The following NFAT5 variants were observed in gnomAD, a reference collection of about 807,000 sequenced individuals.
NFAT5 encodes the protein nuclear factor of activated T-cells 5.
A neutral mutation model predicts 166.5 loss-of-function variants in NFAT5; 31 were observed. The ratio of observed to expected loss-of-function variants is 0.19; its 90% CI spans 0.14 to 0.25. The LOEUF (loss-of-function observed/expected upper bound fraction) is 0.25. Ranked by LOEUF, NFAT5 falls within the 10% of genes least tolerant of loss-of-function variation. The pLI, the probability that NFAT5 is intolerant of heterozygous loss-of-function variation, is 1.00. For synonymous variants in NFAT5, 612 were observed against 639.7 expected (o/e 0.96, Z 0.65); for missense variants, 1,449 against 1,821.8 (o/e 0.80, Z 3.72).
rs1293749448 is a variant in NFAT5, at chr16:69,698,665, C to T, written c.*2314C>T. 6.6e-6 allele frequency: 1 copy of T among 152,560 alleles called. No individual in the cohort carries two copies. The highest frequency in any genetic ancestry group is 1.9e-4 in the East Asian group (1 of 5,196). 9.5% of individuals were successfully genotyped at this position (152,560 alleles called of 1,614,324 possible). A position where few individuals can be genotyped will look rare whatever the true frequency, so the allele number is the denominator to read the frequency against. On this transcript the variant is annotated 3_prime_UTR_variant, in exon 15 of 15. Transcript: ENST00000349945. ...CTTTCACTCAGCCAAGTGTTAGAGT[C>T]AGGAAACCCATTGAGGCAATGGCGT...
At chr16:69,575,545 T>A (rs2016697291) in intron 2 of NFAT5, among the ~76,000 whole-genome samples, 2 of 152,038 alleles carry the variant, frequency 1.3e-5, no homozygotes, top group Admixed American at 1.3e-4. Context: ...ACGTCAAGGC[T>A]GCATTGAGCC....
rs1221625134 is a variant in NFAT5 at position 69,637,467 on chromosome 16, G to GA, written c.254-9555dup. 5.3e-5 allele frequency among the ~76,000 whole-genome samples: 8 copies of GA among 152,244 alleles called. No individual in the cohort carries two copies. In the Middle Eastern group the frequency reaches 0.01, roughly 194 times the overall value. On this transcript the variant is annotated intron_variant, in intron 3 of 14. Coordinates refer to ENST00000349945, the MANE Select transcript of NFAT5 (RefSeq NM_138713.4). ...ATAAAGACATACCCCAGATTGGGAA[G>GA]AAAAAATGTTCATTTGGACTTACAG...
intron 7 of NFAT5, among the ~76,000 whole-genome samples, chr16:69,661,209 C>G (rs1267131216): frequency 1.3e-5 from 2 of 150,542 alleles, no homozygotes; most frequent in Non-Finnish European, 3.0e-5. Context: ...CCTTCTGTCT[C>G]CCATTCCAAT....
chr16:69,647,157 C>T lies in NFAT5; in HGVS notation c.383C>T (p.Ser128Leu). The T allele has an allele frequency of 6.2e-7, 1 of 1,614,144 alleles. No homozygotes were observed. The highest frequency in any genetic ancestry group is 1.1e-5 in the South Asian group (1 of 91,070). The change falls in exon 4 of 15, where the codon TCA becomes TTA. Residue 128 changes from serine (S) to leucine (L), a missense_variant. Physicochemically the swap from Ser to Leu is moderately radical, Grantham distance 145. Around this residue, in one of 7 missense-constraint regions of NFAT5, gnomAD observed 172 missense variants for 194.5 expected, o/e 0.88. Coordinates refer to ENST00000349945, the MANE Select transcript of NFAT5 (RefSeq NM_138713.4). This position sits in a 1 kb window ranked among gnomAD's most constrained non-coding sequence, Gnocchi z 4.8. ...GCTATGCAAGTGGAGAGCTGCTCCT[C>T]AGCCGTGGGGGTAAGTAACAGAGGG... is the stretch of plus-strand genomic sequence containing the variant. ...SKAMQVESCSSAVGVSNRGVS... is the reference protein window; with the variant it reads ...SKAMQVESCSLAVGVSNRGVS...
chr16:69,587,628 A>G (rs1047740413), intron 2 of NFAT5, among the ~76,000 whole-genome samples: 1 of 151,964 alleles, frequency 6.6e-6, no homozygotes, highest in Non-Finnish European at 1.5e-5. Flanking sequence ...ACCTTAAGTG[A>G]TCTGCCCACC....
At chr16:69,606,529 G>C (rs571161368) in intron 2 of NFAT5, among the ~76,000 whole-genome samples, 1 of 152,250 alleles carries the variant, frequency 6.6e-6, no homozygotes, top group East Asian at 1.9e-4. Flanking sequence ...TGCAGTCCAA[G>C]TACTTACTAT....
chr16:69,617,954 C>T (rs549460104), intron 2 of NFAT5, among the ~76,000 whole-genome samples: 26 of 151,894 alleles, frequency 1.7e-4, no homozygotes, highest in African/African-American at 4.8e-4. Context: ...GTCGGGAGTT[C>T]GAGACCACCC....
intron 11 of NFAT5, among the ~76,000 whole-genome samples, chr16:69,687,734 G>A (rs2037366802): frequency 1.3e-5 from 2 of 151,714 alleles, no homozygotes; most frequent in African/African-American, 4.9e-5. Flanking sequence ...GTGTATAGGT[G>A]ATATATTTAT....
In NFAT5 at chr16:69,659,618, T is replaced by C. The variant is rs557659496; in HGVS notation, c.1197-109T>C. On this transcript the variant is annotated intron_variant, in intron 6 of 14. Coordinates refer to ENST00000349945, the MANE Select transcript of NFAT5 (RefSeq NM_138713.4). ...TGGAACTTTGTAACTTTATTACATATTCACAGAATTAATAGATAAGCAAAA... is the reference window on the plus strand; with the variant it reads ...TGGAACTTTGTAACTTTATTACATACTCACAGAATTAATAGATAAGCAAAA... 65 of 796,600 alleles carry C rather than the reference T, an allele frequency of 8.2e-5. No homozygotes were observed. The African/African-American group carries it at 1.1e-3, about 14-fold the overall frequency. 49.3% of individuals were successfully genotyped at this position (796,600 alleles called of 1,614,324 possible).
At chr16:69,622,170 T>C (rs913387097) in intron 2 of NFAT5, among the ~76,000 whole-genome samples, 2 of 152,152 alleles carry the variant, frequency 1.3e-5, no homozygotes, top group Admixed American at 6.5e-5. Context: ...TGTGTTCAGA[T>C]TGTATGGTTA....
chr16:69,695,452 A>G (rs1167431249), intron 14 of NFAT5, 73 bp downstream of exon 14: 33 of 1,013,634 alleles, frequency 3.3e-5, no homozygotes, highest in East Asian at 2.4e-5. Context: ...AGGTTAAGTA[A>G]TAGTAGTTCT....
At chr16:69,568,125 C>T (rs2016187394) in intron 1 of NFAT5, among the ~76,000 whole-genome samples, 1 of 151,988 alleles carries the variant, frequency 6.6e-6, no homozygotes, top group Non-Finnish European at 1.5e-5. Flanking sequence ...CCAGCCTGAC[C>T]AATTTGGAGA....
intron 2 of NFAT5, among the ~76,000 whole-genome samples, chr16:69,602,253 T>TA (rs1262762879): frequency 6.6e-6 from 1 of 151,806 alleles, no homozygotes; most frequent in African/African-American, 2.4e-5. Context: ...GGAAAGTAGA[T>TA]AAATCTTGGT....
intron 2 of NFAT5, among the ~76,000 whole-genome samples, chr16:69,602,584 C>CTT (rs1396442587): frequency 3.0e-5 from 4 of 134,328 alleles, no homozygotes; most frequent in Admixed American, 7.5e-5. Context: ...TTCTTTCTTT[C>CTT]TTTTTTTTTT....
intron 2 of NFAT5, among the ~76,000 whole-genome samples, chr16:69,599,039 AAGTC>A (rs1201144550): frequency 6.6e-6 from 1 of 151,438 alleles, no homozygotes; most frequent in East Asian, 1.9e-4. Flanking sequence ...AAAAAAAAAA[AAGTC>A]AGGGTATGGG....
chr16:69,652,329 G>A (rs998165218), intron 4 of NFAT5, among the ~76,000 whole-genome samples: 1 of 151,910 alleles, frequency 6.6e-6, no homozygotes, highest in African/African-American at 2.4e-5. Context: ...GCACACGCCT[G>A]TAATCCCAGC....
intron 2 of NFAT5, among the ~76,000 whole-genome samples, chr16:69,574,430 A>C (rs183132982): frequency 2.0e-5 from 3 of 152,292 alleles, no homozygotes; most frequent in Admixed American, 2.0e-4. Flanking sequence ...GTGTTAATAA[A>C]AGTCAAGTTT....
At chr16:69,648,775 G>A in intron 4 of NFAT5, 1 of 969,444 alleles carries the variant, frequency 1.0e-6, no homozygotes, top group Non-Finnish European at 1.2e-6. Context: ...CACAAAAAGT[G>A]GTCAAGAAGC....
intron 2 of NFAT5, among the ~76,000 whole-genome samples, chr16:69,614,593 G>A (rs181419191): frequency 2.0e-5 from 3 of 152,256 alleles, no homozygotes; most frequent in East Asian, 3.9e-4. Context: ...ATAAGTTGCT[G>A]ACATGTTTCC....
Sources: allele counts gnomAD v4.1 joint callset (sites outside exome capture counted in the v4.1 genomes callset), GRCh38; gene constraint gnomAD v4.1.1; regional missense constraint gnomAD v4.1.1; non-coding constraint Gnocchi (gnomAD v3.1); transcripts MANE v1.5; gene names NCBI Gene and HGNC (gene_info 2026-07-23, HGNC 2026-07-21).